Variants in SPATA13 observed in about 807,000 individuals in gnomAD.
The protein encoded by SPATA13 is spermatogenesis-associated protein 13.
In SPATA13, 50 loss-of-function variants were observed where a neutral mutation model predicts 104.0. The ratio of observed to expected loss-of-function variants is 0.48; its 90% CI spans 0.38 to 0.61. SPATA13 has a LOEUF of 0.61. Ranked by LOEUF, SPATA13 falls within the 20% of genes least tolerant of loss-of-function variation. The pLI is 0.00. For synonymous variants in SPATA13, 606 were observed against 667.5 expected, an observed-to-expected ratio of 0.91 and a Z score of 1.42; for missense variants, 1,524 against 1,690.6, an observed-to-expected ratio of 0.90 and a Z score of 1.73.
chr13:24,038,862 T>G (rs766109242), intron 3 of SPATA13, among the ~76,000 whole-genome samples: 1 of 152,172 alleles, frequency 6.6e-6, no homozygotes, highest in Non-Finnish European at 1.5e-5. Context: ...CTTAGGACTT[T>G]GCATTCCACC....
At chr13:24,114,607 C>T (rs57459477) in intron 3 of SPATA13, among the ~76,000 whole-genome samples, 22,403 of 151,642 alleles carry the variant, frequency 0.15, 2,410 homozygotes, top group East Asian at 0.31. Flanking sequence ...TTTTTATTTT[C>T]GAAGGAGCTC....
intron 2 of SPATA13, among the ~76,000 whole-genome samples, chr13:24,243,737 A>G (rs1365173221): frequency 6.6e-6 from 1 of 152,108 alleles, no homozygotes; most frequent in African/African-American, 2.4e-5. Context: ...CTGTGGCATC[A>G]ACTGCCAAGG....
intron 3 of SPATA13, among the ~76,000 whole-genome samples, chr13:24,067,570 C>G (rs746994995): frequency 1.3e-5 from 2 of 152,144 alleles, no homozygotes; most frequent in African/African-American, 2.4e-5. Flanking sequence ...AATTTAAAAT[C>G]CATTGAGATG....
intron 4 of SPATA13, among the ~76,000 whole-genome samples, chr13:24,264,613 A>G (rs1874206716): frequency 6.6e-6 from 1 of 152,266 alleles, no homozygotes; most frequent in South Asian, 2.1e-4. Context: ...TTTAAAGACC[A>G]TGTCCCAATA....
chr13:24,074,485 A>G (rs1879262275), intron 3 of SPATA13, among the ~76,000 whole-genome samples: 2 of 148,738 alleles, frequency 1.3e-5, no homozygotes, highest in African/African-American at 4.9e-5. Context: ...TATGCTTAGC[A>G]CATTTAATTG....
At chr13:24,091,024 G>A (rs113547778) in intron 3 of SPATA13, among the ~76,000 whole-genome samples, 497 of 152,320 alleles carry the variant, frequency 3.3e-3, no homozygotes, top group African/African-American at 0.011. Flanking sequence ...TCTCTGCTTA[G>A]TTAGCCTAGT....
intron 1 of SPATA13, among the ~76,000 whole-genome samples, chr13:24,180,697 T>C (rs1461542619): frequency 6.6e-6 from 1 of 152,234 alleles, no homozygotes; most frequent in Non-Finnish European, 1.5e-5. Flanking sequence ...ATACTTCTCC[T>C]GTTAAATTTA....
chr13:24,017,700 C>T (rs1236907018), exon 3 of SPATA13: 14 of 985,228 alleles, frequency 1.4e-5, no homozygotes, highest in Non-Finnish European at 1.7e-5. Flanking sequence ...TGCAGAAACT[C>T]GGTAAGAAGG....
At chr13:24,017,512 T>C (rs1198912210) in intron 2 of SPATA13, among the ~76,000 whole-genome samples, 3 of 152,242 alleles carry the variant, frequency 2.0e-5, no homozygotes, top group Non-Finnish European at 4.4e-5. Context: ...TGTGTATATA[T>C]GTATATGTAA....
Position 24,294,750 on chromosome 13 carries a change from A to G in SPATA13, c.3092A>G (p.Asn1031Ser). The G allele has an allele frequency of 6.3e-7, 1 of 1,592,904 alleles. No homozygotes were observed. The highest frequency in any genetic ancestry group is 8.6e-7 in the Non-Finnish European group (1 of 1,162,270). Residue 1031 changes from asparagine to serine, a missense_variant, in exon 10 of 13, where the codon AAC (asparagine) becomes AGC (serine). By Grantham distance (46) the Asn-to-Ser change is conservative (BLOSUM62 1). This residue lies in a region of SPATA13 where 435 missense variants were observed against 554.8 expected (regional missense o/e 0.78). Transcript: ENST00000382108. ...YTTQEHGDYSNIKAAYEAMKN... is the reference protein window; with the variant it reads ...YTTQEHGDYSSIKAAYEAMKN... ...CTCCCATCTTGCAGTGATTACAGCA[A>G]CATAAAGGCAGCATATGAGGCCATG...
chr13:24,211,367 T>G (rs1009578766), intron 1 of SPATA13, among the ~76,000 whole-genome samples: 1 of 152,192 alleles, frequency 6.6e-6, no homozygotes, highest in South Asian at 2.1e-4. Context: ...TTTGCACTAT[T>G]GGGTATGATA....
chr13:24,035,597 C>T (rs1056979360), intron 3 of SPATA13, among the ~76,000 whole-genome samples: 1 of 152,166 alleles, frequency 6.6e-6, no homozygotes, highest in African/African-American at 2.4e-5. Flanking sequence ...AAGAAACAAA[C>T]ATGAGAAAAA....
rs141744163 is a variant in SPATA13, at chr13:24,227,498, C to T, written c.1653+2916C>T. On this transcript the variant is annotated intron_variant, in intron 2 of 12. Transcript: ENST00000382108. The stretch of plus-strand genomic sequence containing the variant: ...ATTGAAATTCAGTTTATTAAAGGTG[C>T]GTGCACATGTTGATAATTCTACGAA... Among the ~76,000 whole-genome samples the T allele has an allele frequency of 6.1e-3, 936 of 152,226 alleles. 13 individuals carry two copies. Among genetic ancestry groups the T allele is most frequent in the African/African-American group, 0.022 (901 of 41,544 alleles).
upstream of SPATA13, among the ~76,000 whole-genome samples, chr13:24,157,075 C>T (rs559320445): frequency 6.6e-6 from 1 of 152,316 alleles, no homozygotes; most frequent in Non-Finnish European, 1.5e-5. Context: ...GCCTCTGCTT[C>T]CCTAACCCGG....
At chr13:24,287,019 C>T in intron 7 of SPATA13, 69 bp downstream of exon 7, 1 of 1,403,956 alleles carries the variant, frequency 7.1e-7, no homozygotes, top group South Asian at 1.3e-5. Context: ...TGGGCTTTCT[C>T]CCCACCTCCA....
At chr13:24,107,407 A>G (rs1486844344) in intron 3 of SPATA13, among the ~76,000 whole-genome samples, 1 of 152,178 alleles carries the variant, frequency 6.6e-6, no homozygotes, top group African/African-American at 2.4e-5. Context: ...AGGAGCCCGA[A>G]AAATGGTTGC....
intron 3 of SPATA13, 144 bp downstream of exon 3, chr13:24,249,986 C>A: frequency 8.9e-7 from 1 of 1,127,578 alleles, no homozygotes; most frequent in Non-Finnish European, 1.2e-6. Flanking sequence ...TTCTTCCTGA[C>A]TGTGTGAAAA....
intron 3 of SPATA13, among the ~76,000 whole-genome samples, chr13:24,128,601 G>A (rs149928708): frequency 1.3e-5 from 2 of 152,112 alleles, no homozygotes; most frequent in African/African-American, 4.8e-5. Flanking sequence ...GCCACGCCGG[G>A]CCCCAGAAAT....
intron 3 of SPATA13, among the ~76,000 whole-genome samples, chr13:24,095,396 T>G (rs530623144): frequency 2.2e-4 from 34 of 152,204 alleles, no homozygotes; most frequent in African/African-American, 8.2e-4. Context: ...AGAAGGGTGG[T>G]TACCCAGGGC....
Sources: gnomAD v4.1 joint callset for allele counts (sites outside exome capture counted in the v4.1 genomes callset) on GRCh38, gnomAD v4.1.1 for gene constraint, gnomAD v4.1.1 regional missense constraint, MANE v1.5 for transcripts, NCBI Gene and HGNC (gene_info 2026-07-23, HGNC 2026-07-21) for gene names.